DTX4: variants seen among roughly 807,000 people sequenced by gnomAD.
DTX4 encodes the protein deltex E3 ubiquitin ligase 4, also known as E3 ubiquitin-protein ligase DTX4.
DTX4 carries 28 observed loss-of-function variants against 57.6 expected under a neutral mutation model. That is an observed-to-expected ratio of 0.49 (90% confidence interval 0.36 to 0.67). The LOEUF (loss-of-function observed/expected upper bound fraction) is 0.67. DTX4 is among the 30% of genes least tolerant of loss of function. The probability of loss-of-function intolerance (pLI) is 0.00; values close to 1 mark genes in which losing one functional copy is unlikely to be tolerated. For synonymous variants in DTX4, 316 were observed against 331.0 expected, an observed-to-expected ratio of 0.95 and a Z score of 0.49; for missense variants, 715 against 836.8, an observed-to-expected ratio of 0.85 and a Z score of 1.80.
intron 8 of DTX4, among the ~76,000 whole-genome samples, chr11:59,201,587 T>C (rs1016472040): frequency 6.6e-6 from 1 of 152,212 alleles, no homozygotes; most frequent in African/African-American, 2.4e-5. Flanking sequence ...ACTTTGGGTT[T>C]CATGTCAAAG....
rs1300991342 is a variant in DTX4, at chr11:59,181,823, A to G, written c.296A>G (p.Asn99Ser). 5 of 1,613,928 alleles carry G rather than the reference A, an allele frequency of 3.1e-6. No homozygotes were observed. Among genetic ancestry groups the G allele is most frequent in the African/African-American group, 1.3e-5 (1 of 75,022 alleles). ...GTGGTGTGGGAGTGGGAGAACGACA[A>G]TGGCTCCTGGACGCCCTACGACATG... ...KGVVWEWEND[N>S]GSWTPYDMEV... The change falls in exon 2 of 9, where the codon AAT becomes AGT. Residue 99 changes from asparagine to serine, a missense_variant. Asn to Ser is a conservative substitution (Grantham distance 46). Coordinates refer to ENST00000227451, the MANE Select transcript of DTX4 (RefSeq NM_015177.2).
rs1255519318 is a variant in DTX4 at position 59,204,942 on chromosome 11, G to A, written c.*33G>A. ...AAAGCTTTGAGGTGGGAGGGGCCAT[G>A]GAGACTGCAGGACAGGAAGTGAGGA... On this transcript the variant is annotated 3_prime_UTR_variant, in exon 9 of 9. Transcript: ENST00000227451. The A allele has an allele frequency of 6.5e-6, 10 of 1,530,050 alleles. No individual in the cohort carries two copies. Among genetic ancestry groups the A allele is most frequent in the Middle Eastern group, 1.7e-4 (1 of 5,940 alleles). 94.8% of individuals were successfully genotyped at this position (1,530,050 alleles called of 1,614,324 possible). A position where few individuals can be genotyped will look rare whatever the true frequency, so the allele number is the denominator to read the frequency against.
chr11:59,171,535 G>C (rs535593066), upstream of DTX4: 2 of 152,252 alleles, frequency 1.3e-5, no homozygotes, highest in African/African-American at 2.4e-5. Context: ...CATCCCTTTG[G>C]ACTGGGTCTC....
At position 59,195,237 on chromosome 11, in the gene DTX4, G is replaced by A. The variant is rs1862649350; in HGVS notation, c.1404G>A (p.Lys468=). The A allele has an allele frequency of 1.2e-6, 2 of 1,613,898 alleles. No individual in the cohort carries two copies. The highest frequency in any genetic ancestry group is 1.7e-5 in the Admixed American group (1 of 59,992). ...KDGSLQCPTC[K]TIYGVKTGTQ... Reference sequence around the variant, plus strand: ...GAAGTTTGCAGTGTCCAACCTGCAAGACCATTTATGGGGTGAAGACAGGCA... The same window carrying A: ...GAAGTTTGCAGTGTCCAACCTGCAAAACCATTTATGGGGTGAAGACAGGCA... The change falls in exon 7 of 9, where the codon AAG becomes AAA. Residue 468 remains lysine, a synonymous_variant. Coordinates refer to ENST00000227451, the MANE Select transcript of DTX4 (RefSeq NM_015177.2).
intron 2 of DTX4, among the ~76,000 whole-genome samples, chr11:59,186,619 G>T (rs567297750): frequency 1.3e-5 from 2 of 152,176 alleles, no homozygotes; most frequent in African/African-American, 4.8e-5. Context: ...GCCAGTTTCC[G>T]TAGCGTCTTC....
At chr11:59,198,236 TG>T (rs1441594657) in intron 7 of DTX4, among the ~76,000 whole-genome samples, 1 of 152,124 alleles carries the variant, frequency 6.6e-6, no homozygotes, top group African/African-American at 2.4e-5. Context: ...ACAGCCGTGT[TG>T]GGTCAGTGCC....
rs1228042775 is a variant in DTX4 at position 59,188,766 on chromosome 11, G to C, written c.967G>C (p.Gly323Arg). 1 of 1,613,994 alleles carries C rather than the reference G, an allele frequency of 6.2e-7. No individual in the cohort carries two copies. The highest frequency in any genetic ancestry group is 8.5e-7 in the Non-Finnish European group (1 of 1,179,874). The stretch of plus-strand genomic sequence containing the variant: ...CACAGTCCCAGTGAAGAACCTAAAT[G>C]GGTCCAGTCCTGTCAACCCTGCCTT... ...VPTVPVKNLN[G>R]SSPVNPALAG... The change falls in exon 3 of 9, where the codon GGG becomes CGG. Residue 323 changes from glycine to arginine, a missense_variant. Coordinates refer to ENST00000227451, the MANE Select transcript of DTX4 (RefSeq NM_015177.2).
At chr11:59,200,497 G>A (rs1245614611) in intron 8 of DTX4, among the ~76,000 whole-genome samples, 1 of 152,168 alleles carries the variant, frequency 6.6e-6, no homozygotes, top group Non-Finnish European at 1.5e-5. Flanking sequence ...AGAACCAGAA[G>A]CCACTTCATC....
In DTX4 at chr11:59,208,441, G is replaced by A. The variant is rs187514342; in HGVS notation, c.*3532G>A. The stretch of plus-strand genomic sequence containing the variant: ...GGGAGAAAAACACTTTTAGAATCAC[G>A]AATATTCACTTTTAAAGGTCTCTTT... On this transcript the variant is annotated 3_prime_UTR_variant, in exon 9 of 9. Transcript: ENST00000227451. 2 of 152,314 alleles carry A rather than the reference G, an allele frequency of 1.3e-5. No individual in the cohort carries two copies. The highest frequency in any genetic ancestry group is 6.5e-5 in the Admixed American group (1 of 15,294). The allele number at this position is 152,314 out of a possible 1,614,324, so 9.4% of individuals were successfully genotyped here.
In DTX4 at chr11:59,206,291, C is replaced by T. The variant is rs1183548001; in HGVS notation, c.*1382C>T. On this transcript the variant is annotated 3_prime_UTR_variant, in exon 9 of 9. Coordinates refer to ENST00000227451, the MANE Select transcript of DTX4 (RefSeq NM_015177.2). The stretch of plus-strand genomic sequence containing the variant: ...TCACAATATGGTCTGGTCCAATCTG[C>T]ATCTTGTTGTGTCCCAAGACCCTAT... 1 of 152,518 alleles carries T rather than the reference C, an allele frequency of 6.6e-6. No individual in the cohort carries two copies. The highest frequency in any genetic ancestry group is 2.4e-5 in the African/African-American group (1 of 41,380). 9.4% of individuals were successfully genotyped at this position (152,518 alleles called of 1,614,324 possible).
chr11:59,197,232 CT>C (rs1435486672), intron 7 of DTX4, among the ~76,000 whole-genome samples: 16 of 152,162 alleles, frequency 1.1e-4, no homozygotes, highest in Non-Finnish European at 2.2e-4. Flanking sequence ...TTATATCTGT[CT>C]GTCTGTCTGG....
intron 1 of DTX4, among the ~76,000 whole-genome samples, chr11:59,180,451 A>G (rs540726635): frequency 6.6e-6 from 1 of 152,268 alleles, no homozygotes; most frequent in Admixed American, 6.5e-5. Flanking sequence ...AAAGGCCTGA[A>G]TAGCCATTGT....
chr11:59,181,856 G>T lies in DTX4; in HGVS notation c.329G>T (p.Gly110Val), dbSNP rs573430937. 1 of 1,613,980 alleles carries T rather than the reference G, an allele frequency of 6.2e-7. No individual in the cohort carries two copies. Among genetic ancestry groups the T allele is most frequent in the African/African-American group, 1.3e-5 (1 of 75,030 alleles). Residue 110 changes from glycine to valine, a missense_variant, in exon 2 of 9, where the codon GGC (glycine) becomes GTC (valine). Coordinates refer to ENST00000227451, the MANE Select transcript of DTX4 (RefSeq NM_015177.2). ...TGGACGCCCTACGACATGGAAGTGG[G>T]CATCACCATCCAGCATGCCTATGAG... ...GSWTPYDMEV[G>V]ITIQHAYEKQ...
intron 4 of DTX4, among the ~76,000 whole-genome samples, chr11:59,189,633 G>A (rs1862571687): frequency 6.6e-6 from 1 of 152,166 alleles, no homozygotes; most frequent in Admixed American, 6.5e-5. Flanking sequence ...AAACAGACTG[G>A]ATTCAAATCG....
intron 8 of DTX4, among the ~76,000 whole-genome samples, chr11:59,200,470 G>A (rs1391323735): frequency 6.6e-6 from 1 of 152,126 alleles, no homozygotes; most frequent in African/African-American, 2.4e-5. Flanking sequence ...CACCACATAG[G>A]AGCTTGATAG....
At chr11:59,197,301 T>A (rs1565220997) in intron 7 of DTX4, among the ~76,000 whole-genome samples, 1 of 151,876 alleles carries the variant, frequency 6.6e-6, no homozygotes, top group Non-Finnish European at 1.5e-5. Flanking sequence ...TAGAAAGACA[T>A]AAAAAAATGG....
chr11:59,176,351 T>G (rs1862395618), intron 1 of DTX4, among the ~76,000 whole-genome samples: 1 of 152,246 alleles, frequency 6.6e-6, no homozygotes, highest in Admixed American at 6.5e-5. Flanking sequence ...ATCCCCATTT[T>G]ATAAGTAAGG....
chr11:59,180,278 C>A (rs375428407), intron 1 of DTX4, among the ~76,000 whole-genome samples: 3 of 152,158 alleles, frequency 2.0e-5, no homozygotes, highest in East Asian at 3.9e-4. Context: ...ACTATTGTCT[C>A]CCCCTCCCCT....
rs544967593 is a variant in DTX4 at position 59,200,475 on chromosome 11, T to G, written c.1626+702T>G. Among the ~76,000 whole-genome samples the G allele has an allele frequency of 2.6e-5, 4 of 152,300 alleles. No homozygotes were observed. In the South Asian group the frequency reaches 6.2e-4, roughly 24 times the overall value. On this transcript the variant is annotated intron_variant, in intron 8 of 8. Coordinates refer to ENST00000227451, the MANE Select transcript of DTX4 (RefSeq NM_015177.2). ...GCGCCAGTGGCACCACATAGGAGCT[T>G]GATAGAAATGCAGAACCAGAAGCCA...
Sources: gnomAD v4.1 joint callset for allele counts (sites outside exome capture counted in the v4.1 genomes callset) on GRCh38, gnomAD v4.1.1 for gene constraint, MANE v1.5 for transcripts, NCBI Gene and HGNC (gene_info 2026-07-23, HGNC 2026-07-21) for gene names.